The following KCND2 variants were observed in gnomAD, a reference collection of about 807,000 sequenced individuals.
KCND2 encodes potassium voltage-gated channel subfamily D member 2, also known as A-type voltage-gated potassium channel KCND2.
A neutral mutation model predicts 54.4 loss-of-function variants in KCND2; 16 were observed. That is an observed-to-expected ratio of 0.29 (90% CI 0.20 to 0.45). The LOEUF is 0.45. Ranked by LOEUF, KCND2 falls within the 20% of genes least tolerant of loss-of-function variation. KCND2 has a pLI of 1.00. For synonymous variants in KCND2, 317 were observed against 310.7 expected (o/e 1.02, Z -0.21); for missense variants, 486 against 824.2 (o/e 0.59, Z 5.02).
chr7:120,303,222 G>T (rs1799610022), intron 1 of KCND2, among the ~76,000 whole-genome samples: 1 of 152,144 alleles, frequency 6.6e-6, no homozygotes, highest in African/African-American at 2.4e-5. Context: ...TATGAAGAGA[G>T]ACACTGCAGA....
intron 1 of KCND2, among the ~76,000 whole-genome samples, chr7:120,477,083 AG>A (rs1802544540): frequency 6.6e-6 from 1 of 152,194 alleles, no homozygotes; most frequent in Admixed American, 6.5e-5. Context: ...TATGTAAAAG[AG>A]CAGTGACAGA....
At chr7:120,490,153 G>A (rs1166214531) in intron 1 of KCND2, among the ~76,000 whole-genome samples, 3 of 152,090 alleles carry the variant, frequency 2.0e-5, no homozygotes, top group Admixed American at 2.0e-4. Context: ...ACAAAAATCA[G>A]GGATTTCAGT....
At chr7:120,291,011 T>C (rs1799428205) in intron 1 of KCND2, among the ~76,000 whole-genome samples, 1 of 152,014 alleles carries the variant, frequency 6.6e-6, no homozygotes, top group African/African-American at 2.4e-5. Context: ...AACAAAAATC[T>C]GAAATCAGTT....
intron 1 of KCND2, among the ~76,000 whole-genome samples, chr7:120,510,102 G>T (rs10260490): frequency 6.6e-6 from 1 of 151,952 alleles, no homozygotes; most frequent in Non-Finnish European, 1.5e-5. Flanking sequence ...CTTCGCTAGC[G>T]CTAATATTCT....
At chr7:120,351,802 TTTTC>T (rs1184358130) in intron 1 of KCND2, among the ~76,000 whole-genome samples, 2 of 151,912 alleles carry the variant, frequency 1.3e-5, no homozygotes, top group Non-Finnish European at 2.9e-5. Flanking sequence ...CTTTTTTTTC[TTTTC>T]TTTCTTTCTT....
At chr7:120,645,511 CGGCTG>C (rs1470557966) in intron 1 of KCND2, among the ~76,000 whole-genome samples, 2 of 151,744 alleles carry the variant, frequency 1.3e-5, no homozygotes, top group African/African-American at 4.8e-5. Flanking sequence ...CTGTGTTTCA[CGGCTG>C]GCCACATGAC....
At chr7:120,282,679 G>C (rs1264398574) in intron 1 of KCND2, among the ~76,000 whole-genome samples, 1 of 152,004 alleles carries the variant, frequency 6.6e-6, no homozygotes, top group African/African-American at 2.4e-5. Context: ...AAAAGTAAAA[G>C]GTCTTGTCTT....
In KCND2 at chr7:120,734,085, A is replaced by G. The variant is rs962426245; in HGVS notation, c.1278+1020A>G. On this transcript the variant is annotated intron_variant, in intron 2 of 5. Transcript: ENST00000331113. ...AAACTCCAGCACAGCCGCATGGTAG[A>G]AAAAGATTTACAGGCAGTAAAAGGA... 3.9e-5 allele frequency among the ~76,000 whole-genome samples: 6 copies of G among 152,142 alleles called. No homozygotes were observed. In the East Asian group the frequency reaches 9.6e-4, roughly 24 times the overall value.
At chr7:120,623,982 C>A (rs1465624761) in intron 1 of KCND2, among the ~76,000 whole-genome samples, 1 of 152,052 alleles carries the variant, frequency 6.6e-6, no homozygotes, top group African/African-American at 2.4e-5. Context: ...TTAGTTGATG[C>A]AAATATTGTC....
chr7:120,343,864 C>A (rs764919947), intron 1 of KCND2, among the ~76,000 whole-genome samples: 12 of 152,132 alleles, frequency 7.9e-5, no homozygotes, highest in Non-Finnish European at 1.5e-4. Context: ...TATGCATGTG[C>A]ACTTGCAAAT....
At chr7:120,571,562 G>A (rs1449066528) in intron 1 of KCND2, among the ~76,000 whole-genome samples, 1 of 152,188 alleles carries the variant, frequency 6.6e-6, no homozygotes, top group Non-Finnish European at 1.5e-5. Flanking sequence ...AAAACGTGAA[G>A]AGGAAACAAT....
At chr7:120,682,212 C>G (rs1269719958) in intron 1 of KCND2, among the ~76,000 whole-genome samples, 1 of 151,878 alleles carries the variant, frequency 6.6e-6, no homozygotes, top group Non-Finnish European at 1.5e-5. Context: ...TATGTTTTCT[C>G]TAAGTGCAGC....
intron 1 of KCND2, among the ~76,000 whole-genome samples, chr7:120,394,354 A>G (rs531480093): frequency 1.3e-5 from 2 of 152,042 alleles, no homozygotes; most frequent in East Asian, 3.9e-4. Context: ...AGGGGCCACA[A>G]GACTAGTTGA....
chr7:120,697,343 A>G (rs893116607), intron 1 of KCND2, among the ~76,000 whole-genome samples: 1 of 152,200 alleles, frequency 6.6e-6, no homozygotes, highest in African/African-American at 2.4e-5. Flanking sequence ...TAGATGGGTA[A>G]AAGAATTCCC....
chr7:120,382,633 AACTT>A, intron 1 of KCND2, among the ~76,000 whole-genome samples: 1 of 152,006 alleles, frequency 6.6e-6, no homozygotes, highest in Non-Finnish European at 1.5e-5. Flanking sequence ...GTTTATAAAC[AACTT>A]AAGTATCTTT....
chr7:120,649,425 GT>G (rs1791696594), intron 1 of KCND2, among the ~76,000 whole-genome samples: 1 of 152,090 alleles, frequency 6.6e-6, no homozygotes. Flanking sequence ...CCAACTTTAA[GT>G]ACATAGTTGT....
At chr7:120,526,407 T>G (rs1791774801) in intron 1 of KCND2, among the ~76,000 whole-genome samples, 1 of 152,058 alleles carries the variant, frequency 6.6e-6, no homozygotes, top group African/African-American at 2.4e-5. Context: ...ACACATGAAG[T>G]TAAAAAAGTA....
At chr7:120,305,142 A>G (rs1440121369) in intron 1 of KCND2, among the ~76,000 whole-genome samples, 2 of 152,168 alleles carry the variant, frequency 1.3e-5, no homozygotes, top group Admixed American at 1.3e-4. Flanking sequence ...CAGCCTTCAC[A>G]TCAAAAGGGT....
Position 120,742,574 on chromosome 7 carries a change from A to G in KCND2, c.1439A>G (p.His480Arg). Residue 480 changes from histidine (H) to arginine (R), a missense_variant, in exon 4 of 6, where the codon CAC becomes CGC. By Grantham distance (29) the His-to-Arg change is conservative. This residue lies in a region of KCND2 where 202 missense variants were observed against 252.7 expected (regional missense o/e 0.80). Transcript: ENST00000331113. ...TCCAGCTTTGAAACCCAGCACCACCACCTGCTTCACTGCCTGGAAAAAACC... is the reference window on the plus strand; with the variant it reads ...TCCAGCTTTGAAACCCAGCACCACCGCCTGCTTCACTGCCTGGAAAAAACC... Reference protein sequence around the residue: ...SGSSFETQHHHLLHCLEKTTN... With the variant: ...SGSSFETQHHRLLHCLEKTTN... 6.2e-7 allele frequency: 1 copy of G among 1,613,436 alleles called. No homozygotes were observed. The highest frequency in any genetic ancestry group is 8.5e-7 in the Non-Finnish European group (1 of 1,179,578).
Sources: allele counts gnomAD v4.1 joint callset (sites outside exome capture counted in the v4.1 genomes callset), GRCh38; gene constraint gnomAD v4.1.1; regional missense constraint gnomAD v4.1.1; transcripts MANE v1.5; gene names NCBI Gene and HGNC (gene_info 2026-07-23, HGNC 2026-07-21).